Variants in NDUFB6 observed in about 807,000 individuals in gnomAD.
The protein encoded by NDUFB6 is NADH dehydrogenase [ubiquinone] 1 beta subcomplex subunit 6.
NDUFB6 carries 23 observed loss-of-function variants against 17.5 expected under a neutral mutation model. That is an observed-to-expected ratio of 1.31 (90% confidence interval 0.94 to 1.86). The LOEUF (loss-of-function observed/expected upper bound fraction) is 1.86, where lower values mean the gene tolerates loss of function less well. Ranked by LOEUF, NDUFB6 falls within the 40% of genes most tolerant of loss-of-function variation. NDUFB6 has a pLI of 0.00. For missense variants in NDUFB6, 167 were observed against 153.8 expected, an observed-to-expected ratio of 1.09 and a Z score of -0.46; for synonymous variants, 60 against 53.5, an observed-to-expected ratio of 1.12 and a Z score of -0.53.
intron 2 of NDUFB6, chr9:32,566,767 C>T (rs988648944): frequency 1.1e-6 from 1 of 898,474 alleles, no homozygotes; most frequent in Non-Finnish European, 1.8e-6. Context: ...CGGGTGTCGG[C>T]TGCGACGTTC....
chr9:32,558,875 TAAAC>T (rs1014638782), intron 3 of NDUFB6, 31 bp downstream of exon 3: 3 of 1,398,534 alleles, frequency 2.1e-6, no homozygotes, highest in Admixed American at 1.9e-5. Context: ...AGAAAAACAA[TAAAC>T]AAAAGAAAAA....
chr9:32,566,445 G>C, intron 2 of NDUFB6: 1 of 823,156 alleles, frequency 1.2e-6, no homozygotes, highest in Non-Finnish European at 2.2e-6. Context: ...GGTTGATGGA[G>C]TATCTTGACA....
At position 32,570,967 on chromosome 9, in the gene NDUFB6, T is replaced by C. The variant is rs555115037; in HGVS notation, c.266A>G (p.His89Arg). The C allele has an allele frequency of 6.5e-5, 103 of 1,574,668 alleles. No homozygotes were observed. The highest frequency in any genetic ancestry group is 8.3e-5 in the Non-Finnish European group (96 of 1,153,544). Residue 89 changes from histidine to arginine, a missense_variant, in exon 2 of 4, where the codon CAT (histidine) becomes CGT (arginine). Transcript: ENST00000379847. ...TGAAAAGGACATACTTACAGAAACA[T>C]GATACTTCATGTAATAATGAATAAT... ...VWIIHYYMKY[H>R]VSEKPYGIVE...
chr9:32,561,807 T>C (rs1159224219), intron 2 of NDUFB6, among the ~76,000 whole-genome samples: 1 of 152,232 alleles, frequency 6.6e-6, no homozygotes, highest in Non-Finnish European at 1.5e-5. Flanking sequence ...GCTTTATTTT[T>C]CTTCTTCATC....
At chr9:32,572,703 T>C (rs1179399542) in intron 1 of NDUFB6, among the ~76,000 whole-genome samples, 178 bp downstream of exon 1, 1 of 152,166 alleles carries the variant, frequency 6.6e-6, no homozygotes, top group African/African-American at 2.4e-5. Flanking sequence ...CTCAAAGCCA[T>C]ACATATTCCT....
intron 2 of NDUFB6, among the ~76,000 whole-genome samples, chr9:32,560,127 G>T (rs1030309291): frequency 6.6e-6 from 1 of 152,182 alleles, no homozygotes; most frequent in Non-Finnish European, 1.5e-5. Context: ...ATTCAATTAG[G>T]CAGCAAAGGA....
intron 3 of NDUFB6, among the ~76,000 whole-genome samples, chr9:32,555,862 G>T (rs184374416): frequency 5.9e-4 from 90 of 152,330 alleles, no homozygotes; most frequent in African/African-American, 2.0e-3. Flanking sequence ...AACAAAATCA[G>T]TGCCCATTCA....
At chr9:32,570,631 T>C (rs935139405) in intron 2 of NDUFB6, among the ~76,000 whole-genome samples, 5 of 152,164 alleles carry the variant, frequency 3.3e-5, no homozygotes, top group African/African-American at 1.2e-4. Context: ...TTATACGAGA[T>C]ACAGGTTTTT....
In NDUFB6 at chr9:32,573,112, C is replaced by T; in HGVS notation, c.-52G>A. On this transcript the variant is annotated 5_prime_UTR_variant, in exon 1 of 4. Transcript: ENST00000379847. ...ACACGGCGCACCCTCGAACTACGGA[C>T]TAGTTACTTAAGCGCGCTCCCGCTC... 1 of 1,469,354 alleles carries T rather than the reference C, an allele frequency of 6.8e-7. No homozygotes were observed. The highest frequency in any genetic ancestry group is 9.0e-7 in the Non-Finnish European group (1 of 1,108,766). The allele number at this position is 1,469,354 out of a possible 1,614,324, so 91.0% of individuals were successfully genotyped here. A position where few individuals can be genotyped will look rare whatever the true frequency, so the allele number is the denominator to read the frequency against.
At position 32,565,863 on chromosome 9, in the gene NDUFB6, T is replaced by C. The variant is rs140475606; in HGVS notation, c.273+5097A>G. On this transcript the variant is annotated intron_variant, in intron 2 of 3. Transcript: ENST00000379847. ...GGCACATACCTGTAATCCTAGCTAC[T>C]TGGGAGGTTGAGGCAGGAGAATCAC... Among the ~76,000 whole-genome samples, 810 of 152,046 alleles carry C rather than the reference T, an allele frequency of 5.3e-3. 6 individuals are homozygous for C. The highest frequency in any genetic ancestry group is 0.019 in the African/African-American group (770 of 41,474).
intron 3 of NDUFB6, among the ~76,000 whole-genome samples, chr9:32,554,504 G>A (rs550200311): frequency 9.2e-5 from 14 of 152,306 alleles, no homozygotes; most frequent in Non-Finnish European, 1.5e-4. Context: ...AAGCTGTATA[G>A]TTTTAAGACA....
intron 2 of NDUFB6, chr9:32,568,326 G>A (rs1821856910): frequency 5.0e-6 from 1 of 199,784 alleles, no homozygotes; most frequent in Non-Finnish European, 1.1e-5. Context: ...CCATGTGACT[G>A]AAGTGCCTCC....
intron 2 of NDUFB6, among the ~76,000 whole-genome samples, chr9:32,561,321 C>T (rs1821618298): frequency 6.6e-6 from 1 of 151,848 alleles, no homozygotes; most frequent in African/African-American, 2.4e-5. Flanking sequence ...CTAAAAAATT[C>T]ACTATTTTCT....
chr9:32,571,503 C>A (rs1337008790), intron 1 of NDUFB6, among the ~76,000 whole-genome samples: 1 of 152,158 alleles, frequency 6.6e-6, no homozygotes, highest in Non-Finnish European at 1.5e-5. Flanking sequence ...ACAACCTTGA[C>A]AACGCCAATG....
chr9:32,563,491 C>CTTTTTTTTTTATTT (rs1821688564), intron 2 of NDUFB6, among the ~76,000 whole-genome samples: 1 of 92,004 alleles, frequency 1.1e-5, no homozygotes. Flanking sequence ...GACTATTGGG[C>CTTTTTTTTTTATTT]TTTTTTTTTT....
intron 2 of NDUFB6, chr9:32,567,729 C>T (rs1161918470): frequency 3.1e-6 from 1 of 327,056 alleles, no homozygotes; most frequent in Non-Finnish European, 6.3e-6. Context: ...AAATCACACC[C>T]ATATAAGATA....
intron 2 of NDUFB6, chr9:32,568,696 G>GTA (rs1267732347): frequency 2.6e-5 from 4 of 151,746 alleles, no homozygotes; most frequent in Admixed American, 7.3e-5. Flanking sequence ...ATATACGTAT[G>GTA]TATATATATG....
rs183374959 is a variant in NDUFB6, at chr9:32,567,762, G to T, written c.273+3198C>A. On this transcript the variant is annotated intron_variant, in intron 2 of 3. Coordinates refer to ENST00000379847, the MANE Select transcript of NDUFB6 (RefSeq NM_002493.5). ...ATAGTGAATTTAATAAGTAAATGTTGTGTGTTGTGACTGTTCCACCAACTG... is the reference window on the plus strand; with the variant it reads ...ATAGTGAATTTAATAAGTAAATGTTTTGTGTTGTGACTGTTCCACCAACTG... The T allele has an allele frequency of 1.2e-4, 38 of 313,086 alleles. 1 individual carries two copies. The East Asian group carries it at 3.0e-3, about 25-fold the overall frequency. 19.4% of individuals were successfully genotyped at this position (313,086 alleles called of 1,614,324 possible). A position where few individuals can be genotyped will look rare whatever the true frequency, so the allele number is the denominator to read the frequency against.
intron 2 of NDUFB6, among the ~76,000 whole-genome samples, chr9:32,570,668 T>C (rs1357805819): frequency 2.0e-5 from 3 of 152,174 alleles, no homozygotes; most frequent in African/African-American, 7.2e-5. Context: ...GTTTTCTCCC[T>C]TCCTATTCAT....
Sources: gnomAD v4.1 joint callset for allele counts (sites outside exome capture counted in the v4.1 genomes callset) on GRCh38, gnomAD v4.1.1 for gene constraint, MANE v1.5 for transcripts, NCBI Gene and HGNC (gene_info 2026-07-23, HGNC 2026-07-21) for gene names.